The following NCOA1 variants were observed in gnomAD, a reference collection of about 807,000 sequenced individuals.
The protein encoded by NCOA1 is Hin-2 protein.
In NCOA1, 35 loss-of-function variants were observed where a neutral mutation model predicts 150.9. The observed-to-expected ratio is 0.23, with a 90% CI of 0.18 to 0.31. NCOA1 has a LOEUF of 0.31. Ranked by LOEUF, NCOA1 falls within the 10% of genes least tolerant of loss-of-function variation. The pLI is 1.00. For missense variants in NCOA1, 1,491 were observed against 1,749.3 expected (o/e 0.85, Z 2.63); for synonymous variants, 590 against 630.0 (o/e 0.94, Z 0.95).
chr2:24,503,187 A>G lies in NCOA1; in HGVS notation c.-396+11585A>G, dbSNP rs779352673. Among the ~76,000 whole-genome samples, 122 of 152,210 alleles carry G rather than the reference A, an allele frequency of 8.0e-4. 2 individuals carry two copies. Among genetic ancestry groups the G allele is most frequent in the Non-Finnish European group, 1.8e-4 (12 of 68,028 alleles). The stretch of plus-strand genomic sequence containing the variant: ...AGATAAACTAGGGATTTTCTTGACT[A>G]GTTTCAGGGTATTTAGGGAATTAAA... On this transcript the variant is annotated intron_variant, in intron 1 of 22. Transcript: ENST00000348332.
At chr2:24,584,127 A>G (rs1350035521) in intron 2 of NCOA1, among the ~76,000 whole-genome samples, 1 of 152,166 alleles carries the variant, frequency 6.6e-6, no homozygotes, top group Non-Finnish European at 1.5e-5. Context: ...AACATTCTAT[A>G]TATGTATTGA....
intron 3 of NCOA1, among the ~76,000 whole-genome samples, chr2:24,637,345 A>G (rs1337398607): frequency 6.6e-6 from 1 of 150,840 alleles, no homozygotes. Flanking sequence ...TACTGGGTAT[A>G]TACCCAAAGG....
rs765304319 is a variant in NCOA1, at chr2:24,768,277, C to T, written c.4212C>T (p.Gly1404=). The T allele has an allele frequency of 5.0e-6, 8 of 1,613,530 alleles. No homozygotes were observed. The Admixed American group carries it at 6.7e-5, about 13-fold the overall frequency. ...TCCAGTGTACAGTGAATCTGGTAGG[C>T]GGGGACCCTTACCTGAACCAGCCTG... ...ADVQCTVNLV[G]GDPYLNQPGP... is the part of the protein sequence containing the mutation. Residue 1404 remains glycine (G), a synonymous_variant, in exon 23 of 23, where the codon GGC becomes GGT. Coordinates refer to ENST00000348332, the MANE Select transcript of NCOA1 (RefSeq NM_003743.5).
chr2:24,497,800 G>A (rs979621802), intron 1 of NCOA1, among the ~76,000 whole-genome samples: 1 of 152,158 alleles, frequency 6.6e-6, no homozygotes, highest in African/African-American at 2.4e-5. Flanking sequence ...ATAAAATTCT[G>A]CCTCTCAAGT....
Position 24,767,875 on chromosome 2 carries a change from A to G in NCOA1, c.4156-346A>G. On this transcript the variant is annotated intron_variant, in intron 22 of 22. Coordinates refer to ENST00000348332, the MANE Select transcript of NCOA1 (RefSeq NM_003743.5). ...GTTTTAAACCAGTTTTCTAAATATC[A>G]TGTATTTTTTAAAACCTACCACTGG... 4 of 509,048 alleles carry G rather than the reference A, an allele frequency of 7.9e-6. 1 individual carries two copies. The South Asian group carries it at 1.0e-4, about 13-fold the overall frequency. The allele number at this position is 509,048 out of a possible 1,614,324, so 31.5% of individuals were successfully genotyped here. A position where few individuals can be genotyped will look rare whatever the true frequency, so the allele number is the denominator to read the frequency against.
In NCOA1 at chr2:24,645,883, G is replaced by T. The variant is rs891393289; in HGVS notation, c.-18+1761G>T. 9.2e-5 allele frequency among the ~76,000 whole-genome samples: 14 copies of T among 152,270 alleles called. No individual in the cohort carries two copies. The East Asian group carries it at 2.5e-3, about 27-fold the overall frequency. On this transcript the variant is annotated intron_variant, in intron 4 of 22. Coordinates refer to ENST00000348332, the MANE Select transcript of NCOA1 (RefSeq NM_003743.5). ...TGAATTAAGTATTCTGATTAAAAAA[G>T]AAAGTTTTGCTGAGTAGGATGTATT... is the stretch of plus-strand genomic sequence containing the variant.
At chr2:24,747,927 A>G (rs1664018529) in intron 19 of NCOA1, among the ~76,000 whole-genome samples, 1 of 151,988 alleles carries the variant, frequency 6.6e-6, no homozygotes, top group South Asian at 2.1e-4. Flanking sequence ...ACCAACATGG[A>G]GAAACCCTGT....
chr2:24,770,551 C>T lies in NCOA1; in HGVS notation c.*2160C>T, dbSNP rs1665270333. The T allele has an allele frequency of 4.6e-6, 1 of 216,630 alleles. No individual in the cohort carries two copies. The highest frequency in any genetic ancestry group is 9.3e-6 in the Non-Finnish European group (1 of 107,316). The allele number at this position is 216,630 out of a possible 1,614,324, so 13.4% of individuals were successfully genotyped here. ...AATTCCTGTCATTCCACAGGAAATTCACTTTTCCAGCTACTGAATAGAATT... is the reference window on the plus strand; with the variant it reads ...AATTCCTGTCATTCCACAGGAAATTTACTTTTCCAGCTACTGAATAGAATT... On this transcript the variant is annotated 3_prime_UTR_variant, in exon 23 of 23. Coordinates refer to ENST00000348332, the MANE Select transcript of NCOA1 (RefSeq NM_003743.5).
chr2:24,496,215 C>T (rs570373133), intron 1 of NCOA1, among the ~76,000 whole-genome samples: 27 of 152,258 alleles, frequency 1.8e-4, no homozygotes, highest in African/African-American at 6.3e-4. Flanking sequence ...AAGAAATTCC[C>T]TTCTAAAAAA....
chr2:24,733,222 A>C (rs1663110016), intron 17 of NCOA1, among the ~76,000 whole-genome samples: 1 of 152,206 alleles, frequency 6.6e-6, no homozygotes. Context: ...AGTTGGGATA[A>C]AATAGTGAAC....
At chr2:24,636,777 G>A (rs1055450209) in intron 3 of NCOA1, among the ~76,000 whole-genome samples, 6 of 151,990 alleles carry the variant, frequency 3.9e-5, no homozygotes, top group African/African-American at 1.4e-4. Context: ...TCAGATTGAT[G>A]GAATAACTTT....
chr2:24,550,505 G>C (rs1377998055), intron 1 of NCOA1, among the ~76,000 whole-genome samples: 1 of 152,168 alleles, frequency 6.6e-6, no homozygotes, highest in Non-Finnish European at 1.5e-5. Flanking sequence ...GAAACCATCA[G>C]ATCTCGAGAG....
Position 24,705,039 on chromosome 2 carries a change from G to C in NCOA1, c.950-47G>C, listed in dbSNP as rs202167359. On this transcript the variant is annotated intron_variant, in intron 11 of 22. Transcript: ENST00000348332. The stretch of plus-strand genomic sequence containing the variant: ...TAAAACCTGGTGACTTAAAGCCAGC[G>C]TATAAGTATCAGAATTTTAACTAGG... The C allele has an allele frequency of 2.5e-6, 4 of 1,588,234 alleles. No individual in the cohort carries two copies. In the Admixed American group the frequency reaches 6.9e-5, roughly 28 times the overall value.
intron 17 of NCOA1, among the ~76,000 whole-genome samples, chr2:24,731,531 A>T (rs1294766695): frequency 6.6e-6 from 1 of 152,156 alleles, no homozygotes; most frequent in Non-Finnish European, 1.5e-5. Context: ...CATTCTGTTT[A>T]AAAAAAGGAA....
chr2:24,730,965 G>C (rs1031243642), intron 17 of NCOA1, among the ~76,000 whole-genome samples: 1 of 150,566 alleles, frequency 6.6e-6, no homozygotes, highest in African/African-American at 2.4e-5. Flanking sequence ...TTGAACCCGG[G>C]AGGTGGAGGT....
intron 10 of NCOA1, among the ~76,000 whole-genome samples, chr2:24,695,604 C>T (rs1378524963): frequency 6.6e-6 from 1 of 151,966 alleles, no homozygotes; most frequent in Non-Finnish European, 1.5e-5. Context: ...CATTTAATTT[C>T]TTAAGTTTTT....
chr2:24,697,714 G>A lies in NCOA1; in HGVS notation c.865G>A (p.Glu289Lys). 1 of 1,613,364 alleles carries A rather than the reference G, an allele frequency of 6.2e-7. No homozygotes were observed. The highest frequency in any genetic ancestry group is 8.5e-7 in the Non-Finnish European group (1 of 1,179,376). The change falls in exon 11 of 23, where the codon GAA (glutamate) becomes AAA (lysine). Residue 289 changes from glutamate to lysine, a missense_variant. By Grantham distance (56) the Glu-to-Lys change is moderately conservative. Transcript: ENST00000348332. ...GAGAGCTGCTGGCAGAACTGGTTGG[G>A]AAGATTTAGTGAGGAAGTGCATTTA... Reference protein sequence around the residue: ...SLRAAGRTGWEDLVRKCIYAF... With the variant: ...SLRAAGRTGWKDLVRKCIYAF...
rs116187273 is a variant in NCOA1, at chr2:24,708,336, T to C, written c.2418+448T>C. Among the ~76,000 whole-genome samples, 1,197 of 152,250 alleles carry C rather than the reference T, an allele frequency of 7.9e-3. 15 individuals carry two copies. The highest frequency in any genetic ancestry group is 0.028 in the African/African-American group (1,145 of 41,536). Reference sequence around the variant, plus strand: ...CTTGTTTTTTATTTCCTTTGAAGCATTTCCTAAGGCTGTTTTTTCCTTCTC... The same window carrying C: ...CTTGTTTTTTATTTCCTTTGAAGCACTTCCTAAGGCTGTTTTTTCCTTCTC... On this transcript the variant is annotated intron_variant, in intron 13 of 22. Transcript: ENST00000348332.
intron 22 of NCOA1, chr2:24,767,981 C>A: frequency 8.3e-7 from 1 of 1,206,564 alleles, no homozygotes; most frequent in Non-Finnish European, 1.2e-6. Context: ...GATGGCAACC[C>A]TATAGGAGGC....
Sources: gnomAD v4.1 joint callset for allele counts (sites outside exome capture counted in the v4.1 genomes callset) on GRCh38, gnomAD v4.1.1 for gene constraint, MANE v1.5 for transcripts, NCBI Gene and HGNC (gene_info 2026-07-23, HGNC 2026-07-21) for gene names.